PPTC7: variants seen among roughly 807,000 people sequenced by gnomAD.
PPTC7 encodes the protein protein phosphatase PTC7 homolog.
PPTC7 carries 6 observed loss-of-function variants against 30.8 expected under a neutral mutation model. The observed-to-expected ratio is 0.19, with a 90% CI of 0.11 to 0.38. PPTC7 has a LOEUF of 0.38. Among genes scored for constraint, PPTC7 ranks in the 10% least tolerant of loss-of-function variants. The pLI, the probability that PPTC7 is intolerant of heterozygous loss-of-function variation, is 1.00. For synonymous variants in PPTC7, 163 were observed against 168.1 expected (o/e 0.97, Z 0.23); for missense variants, 218 against 404.8 (o/e 0.54, Z 3.96).
chr12:110,549,047 C>T (rs192893255), intron 2 of PPTC7, among the ~76,000 whole-genome samples: 35 of 152,292 alleles, frequency 2.3e-4, no homozygotes, highest in Middle Eastern at 3.4e-3. Flanking sequence ...CCCATATAGA[C>T]AGGAACCCAG....
At chr12:110,562,286 C>CAAAAAAAAAAAAAAAAAAAA (rs11319526) in intron 1 of PPTC7, among the ~76,000 whole-genome samples, 1 of 34,724 alleles carries the variant, frequency 2.9e-5, no homozygotes, top group Non-Finnish European at 4.7e-5. Context: ...GACTCCATCT[C>CAAAAAAAAAAAAAAAAAAAA]AAAAAAAAAA....
chr12:110,548,781 G>A (rs1450370194), intron 2 of PPTC7, among the ~76,000 whole-genome samples: 1 of 152,034 alleles, frequency 6.6e-6, no homozygotes, highest in African/African-American at 2.4e-5. Flanking sequence ...AAACAGTCCT[G>A]GTGAGTGACT....
intron 3 of PPTC7, among the ~76,000 whole-genome samples, chr12:110,543,299 G>A (rs2135763513): frequency 6.6e-6 from 1 of 152,208 alleles, no homozygotes; most frequent in Admixed American, 6.5e-5. Flanking sequence ...GCTGCTGCAG[G>A]GAACCGACTT....
chr12:110,580,344 T>C (rs1426875513), intron 1 of PPTC7, among the ~76,000 whole-genome samples: 1 of 152,142 alleles, frequency 6.6e-6, no homozygotes, highest in Non-Finnish European at 1.5e-5. Context: ...CAAAATTTTA[T>C]TGTATTTTTT....
rs1462260959 is a variant in PPTC7, at chr12:110,535,483, C to A, written c.*1554G>T. 2.0e-5 allele frequency: 3 copies of A among 152,550 alleles called. No homozygotes were observed. The highest frequency in any genetic ancestry group is 2.0e-4 in the Admixed American group (3 of 15,274). The allele number at this position is 152,550 out of a possible 1,614,324, so 9.4% of individuals were successfully genotyped here. On this transcript the variant is annotated 3_prime_UTR_variant, in exon 6 of 6. Transcript: ENST00000354300. ...CTGACAGTTACTCAAATATACAGTA[C>A]AAATTCACAAAACAAAATCTTTTAA...
intron 1 of PPTC7, among the ~76,000 whole-genome samples, chr12:110,564,722 C>G (rs2064465904): frequency 6.6e-6 from 1 of 151,356 alleles, no homozygotes; most frequent in African/African-American, 2.4e-5. Flanking sequence ...AAGTGTAGAA[C>G]TGTCTCTTAA....
intron 2 of PPTC7, among the ~76,000 whole-genome samples, chr12:110,547,120 G>A (rs1266661000): frequency 6.6e-6 from 1 of 152,130 alleles, no homozygotes; most frequent in East Asian, 1.9e-4. Context: ...AATTAGAAGG[G>A]CAAACAAGAC....
intron 1 of PPTC7, among the ~76,000 whole-genome samples, chr12:110,568,733 T>G (rs993385779): frequency 6.6e-6 from 1 of 152,194 alleles, no homozygotes; most frequent in African/African-American, 2.4e-5. Flanking sequence ...CACCAATATC[T>G]GGTATACAAA....
intron 1 of PPTC7, among the ~76,000 whole-genome samples, chr12:110,569,965 A>G (rs571728978): frequency 4.5e-4 from 69 of 152,356 alleles, no homozygotes; most frequent in African/African-American, 1.6e-3. Flanking sequence ...TAATAAAAGA[A>G]TAAAAGATGA....
chr12:110,578,026 G>A (rs1376753023), intron 1 of PPTC7, among the ~76,000 whole-genome samples: 1 of 152,164 alleles, frequency 6.6e-6, no homozygotes, highest in African/African-American at 2.4e-5. Context: ...AACGGGGACA[G>A]GACTGGGAAA....
intron 1 of PPTC7, among the ~76,000 whole-genome samples, chr12:110,575,457 A>T (rs1377292448): frequency 1.3e-5 from 2 of 152,036 alleles, no homozygotes; most frequent in Admixed American, 1.3e-4. Flanking sequence ...TGTAGGTCAC[A>T]TTCTAACCCG....
intron 2 of PPTC7, among the ~76,000 whole-genome samples, chr12:110,551,144 G>C (rs911124767): frequency 2.0e-5 from 3 of 151,990 alleles, no homozygotes; most frequent in Non-Finnish European, 4.4e-5. Context: ...CTCTGCTATT[G>C]GCAACATTTT....
At chr12:110,566,626 G>C (rs753697752) in intron 1 of PPTC7, among the ~76,000 whole-genome samples, 11 of 152,292 alleles carry the variant, frequency 7.2e-5, no homozygotes, top group Non-Finnish European at 1.5e-4. Context: ...AGGCTGGCGA[G>C]CAGCAAACAG....
At chr12:110,576,857 C>T (rs1164367164) in intron 1 of PPTC7, among the ~76,000 whole-genome samples, 3 of 152,116 alleles carry the variant, frequency 2.0e-5, no homozygotes, top group African/African-American at 7.2e-5. Flanking sequence ...GTGAATTATA[C>T]ATATCAGTTT....
intron 1 of PPTC7, among the ~76,000 whole-genome samples, chr12:110,581,532 G>A (rs2064637231): frequency 6.6e-6 from 1 of 152,158 alleles, no homozygotes; most frequent in South Asian, 2.1e-4. Flanking sequence ...CAATCTGCAA[G>A]CTGCAGGACC....
Position 110,542,584 on chromosome 12 carries a change from T to C in PPTC7, c.603-2639A>G, listed in dbSNP as rs117370607. 7.7e-3 allele frequency among the ~76,000 whole-genome samples: 1,138 copies of C among 148,682 alleles called. 8 individuals are homozygous for C. Among genetic ancestry groups the C allele is most frequent in the Non-Finnish European group, 0.013 (857 of 67,638 alleles). On this transcript the variant is annotated intron_variant, in intron 3 of 5. Transcript: ENST00000354300. The stretch of plus-strand genomic sequence containing the variant: ...TACTCGGGAGGCTGAAGCAGGAGAA[T>C]TGCTAGAGCCAGGGAGGCAGCAGTA...
intron 4 of PPTC7, among the ~76,000 whole-genome samples, chr12:110,539,209 A>T (rs2064239012): frequency 6.6e-6 from 1 of 152,230 alleles, no homozygotes; most frequent in Non-Finnish European, 1.5e-5. Flanking sequence ...AATACTGCTT[A>T]AACAGTTTTA....
At chr12:110,545,118 A>C (rs2064295339) in intron 3 of PPTC7, among the ~76,000 whole-genome samples, 1 of 151,810 alleles carries the variant, frequency 6.6e-6, no homozygotes, top group African/African-American at 2.4e-5. Context: ...TTTGAGACAG[A>C]GTCTTGCTCT....
At position 110,536,985 on chromosome 12, in the gene PPTC7, T is replaced by C. The variant is rs200391143; in HGVS notation, c.*52A>G. 7.6e-4 allele frequency: 1,056 copies of C among 1,395,060 alleles called. 16 individuals carry two copies. The highest frequency in any genetic ancestry group is 3.6e-4 in the Middle Eastern group (2 of 5,616). The allele number at this position is 1,395,060 out of a possible 1,614,324, so 86.4% of individuals were successfully genotyped here. A position where few individuals can be genotyped will look rare whatever the true frequency, so the allele number is the denominator to read the frequency against. On this transcript the variant is annotated 3_prime_UTR_variant, in exon 6 of 6. Transcript: ENST00000354300. ...GTCCTGCCAGCAGGATCAGCACACA[T>C]GGCAGGGGAAATTTGGGATGATGAA...
Sources: allele counts gnomAD v4.1 joint callset (sites outside exome capture counted in the v4.1 genomes callset), GRCh38; gene constraint gnomAD v4.1.1; transcripts MANE v1.5; gene names NCBI Gene and HGNC (gene_info 2026-07-23, HGNC 2026-07-21).